The following TRPS1 variants were observed in gnomAD, a reference collection of about 807,000 sequenced individuals.
TRPS1 encodes the protein transcriptional repressor GATA binding 1.
TRPS1 carries 6 observed loss-of-function variants against 101.2 expected under a neutral mutation model. The ratio of observed to expected loss-of-function variants is 0.06; its 90% CI spans 0.03 to 0.12. The LOEUF (loss-of-function observed/expected upper bound fraction) is 0.12. Among genes scored for constraint, TRPS1 ranks in the 10% least tolerant of loss-of-function variants. The pLI, the probability that TRPS1 is intolerant of heterozygous loss-of-function variation, is 1.00. For missense variants in TRPS1, 1,363 were observed against 1,567.0 expected, an observed-to-expected ratio of 0.87 and a Z score of 2.20; for synonymous variants, 578 against 589.8, an observed-to-expected ratio of 0.98 and a Z score of 0.29.
chr8:115,664,606 T>C (rs1811880438), intron 1 of TRPS1, among the ~76,000 whole-genome samples: 1 of 152,122 alleles, frequency 6.6e-6, no homozygotes, highest in South Asian at 2.1e-4. Flanking sequence ...TAGTTATCAA[T>C]GGTATTAGCA....
chr8:115,544,024 T>G (rs1168397229), intron 5 of TRPS1, among the ~76,000 whole-genome samples: 1 of 151,796 alleles, frequency 6.6e-6, no homozygotes, highest in Non-Finnish European at 1.5e-5. Flanking sequence ...AACAAGAAAA[T>G]GTATTTAGAC....
chr8:115,635,995 G>C (rs1818759298), intron 1 of TRPS1, among the ~76,000 whole-genome samples: 2 of 152,064 alleles, frequency 1.3e-5, no homozygotes, highest in Admixed American at 1.3e-4. Flanking sequence ...ATTATGTCAA[G>C]TAAAAAAGCA....
At chr8:115,583,348 A>C (rs1025352080) in intron 5 of TRPS1, among the ~76,000 whole-genome samples, 2 of 148,666 alleles carry the variant, frequency 1.3e-5, no homozygotes, top group African/African-American at 5.0e-5. Context: ...TAAAATGATT[A>C]AGAAACATCT....
intron 5 of TRPS1, among the ~76,000 whole-genome samples, chr8:115,574,188 C>T (rs1315852050): frequency 5.9e-5 from 9 of 152,104 alleles, no homozygotes; most frequent in Admixed American, 5.9e-4. Context: ...TAATATTTAT[C>T]GGACAACAAG....
chr8:115,622,842 A>G lies in TRPS1; in HGVS notation c.37+759T>C, dbSNP rs544131416. ...AATGATGAGAAAATGGTTTATGCCC[A>G]TATGTTAACGCCAGGGTGAGCGATT... On this transcript the variant is annotated intron_variant, in intron 2 of 6. Coordinates refer to ENST00000395715, the MANE Select transcript of TRPS1 (RefSeq NM_014112.5). Among the ~76,000 whole-genome samples, 256 of 152,292 alleles carry G rather than the reference A, an allele frequency of 1.7e-3. 1 individual carries two copies. The highest frequency in any genetic ancestry group is 6.0e-3 in the African/African-American group (251 of 41,576).
chr8:115,428,275 T>C (rs1056789764), intron 5 of TRPS1, among the ~76,000 whole-genome samples: 2 of 152,216 alleles, frequency 1.3e-5, no homozygotes, highest in African/African-American at 4.8e-5. Flanking sequence ...TTAAATAATG[T>C]CTGCTTAAAA....
At chr8:115,474,834 TAAG>T (rs1814560362) in intron 5 of TRPS1, among the ~76,000 whole-genome samples, 1 of 152,050 alleles carries the variant, frequency 6.6e-6, no homozygotes, top group Non-Finnish European at 1.5e-5. Context: ...AAACTCTACT[TAAG>T]AGACTAGAGA....
At chr8:115,509,643 T>C (rs1159773061) in intron 5 of TRPS1, 4 of 152,032 alleles carry the variant, frequency 2.6e-5, no homozygotes, top group African/African-American at 9.7e-5. Flanking sequence ...CTAGGGAAGT[T>C]TGAAAGAAGT....
intron 5 of TRPS1, among the ~76,000 whole-genome samples, chr8:115,554,199 C>G (rs1310931031): frequency 1.3e-5 from 2 of 152,136 alleles, no homozygotes; most frequent in Non-Finnish European, 2.9e-5. Flanking sequence ...AGAAGAAAAT[C>G]TGTGAAACTG....
intron 5 of TRPS1, among the ~76,000 whole-genome samples, chr8:115,458,760 T>C (rs926433544): frequency 1.3e-5 from 2 of 152,198 alleles, no homozygotes; most frequent in East Asian, 3.9e-4. Context: ...AATAAACCAC[T>C]GGGGCATGCC....
chr8:115,456,697 A>G (rs1814034482), intron 5 of TRPS1, among the ~76,000 whole-genome samples: 1 of 152,092 alleles, frequency 6.6e-6, no homozygotes, highest in African/African-American at 2.4e-5. Context: ...ATACATAAAG[A>G]AATACTAAGA....
In TRPS1 at chr8:115,411,611, A is replaced by C. The variant is rs1379149212; in HGVS notation, c.*2412T>G. On this transcript the variant is annotated 3_prime_UTR_variant, in exon 7 of 7. Transcript: ENST00000395715. The stretch of plus-strand genomic sequence containing the variant: ...TATACATTTTGAGATGCATCCATCA[A>C]AATTCCTAAGGAAGATAAATTACAT... 1 of 152,518 alleles carries C rather than the reference A, an allele frequency of 6.6e-6. No individual in the cohort carries two copies. Among genetic ancestry groups the C allele is most frequent in the East Asian group, 1.9e-4 (1 of 5,172 alleles). 9.4% of individuals were successfully genotyped at this position (152,518 alleles called of 1,614,324 possible). A position where few individuals can be genotyped will look rare whatever the true frequency, so the allele number is the denominator to read the frequency against.
intron 5 of TRPS1, among the ~76,000 whole-genome samples, chr8:115,573,028 G>A (rs1033865187): frequency 2.0e-5 from 3 of 152,058 alleles, no homozygotes; most frequent in Admixed American, 6.6e-5. Context: ...GGAGGCTGAG[G>A]CAGGAGAGTC....
intron 1 of TRPS1, among the ~76,000 whole-genome samples, chr8:115,647,789 C>A (rs1034576727): frequency 1.3e-5 from 2 of 152,004 alleles, no homozygotes; most frequent in African/African-American, 2.4e-5. Flanking sequence ...TTGTTATATT[C>A]ATTTGAGATT....
At position 115,619,726 on chromosome 8, in the gene TRPS1, C is replaced by T. The variant is rs755779025; in HGVS notation, c.372G>A (p.Leu124=). The T allele has an allele frequency of 1.2e-6, 2 of 1,614,180 alleles. No homozygotes were observed. Among genetic ancestry groups the T allele is most frequent in the Non-Finnish European group, 1.7e-6 (2 of 1,180,038 alleles). ...CCCCAGCAGCTGGAGATGAGAAAGC[C>T]AACATATTTCTGTCTGTCACCTCAT... ...PHDEVTDRNM[L]AFSSPAAGGV... Residue 124 remains leucine, a synonymous_variant, in exon 3 of 7, where the codon TTG becomes TTA. Coordinates refer to ENST00000395715, the MANE Select transcript of TRPS1 (RefSeq NM_014112.5).
chr8:115,638,656 T>C (rs1184979124), intron 1 of TRPS1, among the ~76,000 whole-genome samples: 2 of 152,116 alleles, frequency 1.3e-5, no homozygotes, highest in Admixed American at 6.5e-5. Context: ...GTTTTACACA[T>C]ACACTCAGGA....
chr8:115,422,055 T>A (rs892667337), intron 5 of TRPS1, among the ~76,000 whole-genome samples: 10 of 152,224 alleles, frequency 6.6e-5, no homozygotes, highest in African/African-American at 2.4e-4. Flanking sequence ...TTTGTCACTC[T>A]CCTTTGCAGT....
At chr8:115,536,636 A>T (rs984033838) in intron 5 of TRPS1, among the ~76,000 whole-genome samples, 1 of 151,680 alleles carries the variant, frequency 6.6e-6, no homozygotes, top group Non-Finnish European at 1.5e-5. Context: ...TTTTACTCTT[A>T]TGTAATTAAT....
intron 5 of TRPS1, among the ~76,000 whole-genome samples, chr8:115,574,595 C>A (rs1460089534): frequency 1.3e-5 from 2 of 152,068 alleles, no homozygotes; most frequent in Non-Finnish European, 2.9e-5. Context: ...TAGCTGTAAG[C>A]AAATGAAAGA....
Sources: gnomAD v4.1 joint callset for allele counts (sites outside exome capture counted in the v4.1 genomes callset) on GRCh38, gnomAD v4.1.1 for gene constraint, MANE v1.5 for transcripts, NCBI Gene and HGNC (gene_info 2026-07-23, HGNC 2026-07-21) for gene names.